The following KIRREL3 variants were observed in gnomAD, a reference collection of about 807,000 sequenced individuals.
KIRREL3 encodes kirre like nephrin family adhesion molecule 3, also known as kin of IRRE-like protein 3.
Under a neutral mutation model 89.7 loss-of-function variants are expected in KIRREL3, and 36 were observed. The observed-to-expected ratio is 0.40, with a 90% CI of 0.31 to 0.53. The LOEUF (loss-of-function observed/expected upper bound fraction) is 0.53, where lower values mean the gene tolerates loss of function less well. Among genes scored for constraint, KIRREL3 ranks in the 20% least tolerant of loss-of-function variants. KIRREL3 has a pLI of 0.49. For missense variants in KIRREL3, 864 were observed against 1,056.6 expected (o/e 0.82, Z 2.53); for synonymous variants, 445 against 441.4 (o/e 1.01, Z -0.10).
At position 126,531,449 on chromosome 11, in the gene KIRREL3, C is replaced by A. The variant is rs1287677047; in HGVS notation, c.134-4762G>T. Among the ~76,000 whole-genome samples, 1 of 152,184 alleles carries A rather than the reference C, an allele frequency of 6.6e-6. No individual in the cohort carries two copies. Among genetic ancestry groups the A allele is most frequent in the African/African-American group, 2.4e-5 (1 of 41,438 alleles). On this transcript the variant is annotated intron_variant, in intron 2 of 16. Transcript: ENST00000525144. This position sits in a 1 kb window ranked among gnomAD's most constrained non-coding sequence, Gnocchi z 4.7. ...GATTCTAATCTCCAAAATCCAGCTC[C>A]TTTTCTTCCTGGGAGCTCCACAGCA...
chr11:126,844,223 G>A lies in KIRREL3; in HGVS notation c.55+156232C>T, dbSNP rs1944059058. On this transcript the variant is annotated intron_variant, in intron 1 of 16. Transcript: ENST00000525144. This position sits in a 1 kb window ranked among gnomAD's most constrained non-coding sequence, Gnocchi z 4.8. The stretch of plus-strand genomic sequence containing the variant: ...GTGGGGGTCCGGTAACATCTTTCTG[G>A]TGACCACAGAAGAGACAATACTGAG... Among the ~76,000 whole-genome samples, 1 of 152,058 alleles carries A rather than the reference G, an allele frequency of 6.6e-6. No individual in the cohort carries two copies. Among genetic ancestry groups the A allele is most frequent in the Admixed American group, 6.6e-5 (1 of 15,264 alleles).
chr11:126,671,082 T>TTTTC (rs1332503254), intron 1 of KIRREL3, among the ~76,000 whole-genome samples: 1 of 152,172 alleles, frequency 6.6e-6, no homozygotes, highest in African/African-American at 2.4e-5. Flanking sequence ...GCCATCTATA[T>TTTTC]TAGAAACAGA....
intron 6 of KIRREL3, among the ~76,000 whole-genome samples, chr11:126,461,429 C>T (rs1176263040): frequency 1.3e-5 from 2 of 152,166 alleles, no homozygotes; most frequent in African/African-American, 4.8e-5. Context: ...GTCACCCTAG[C>T]TCTAGGCTTG....
At chr11:126,467,629 CTTTTT>C (rs546070258) in intron 5 of KIRREL3, among the ~76,000 whole-genome samples, 2 of 140,882 alleles carry the variant, frequency 1.4e-5, no homozygotes, top group South Asian at 4.4e-4. Flanking sequence ...TGCTGGGTCC[CTTTTT>C]TTTTTTTTTT....
At chr11:126,869,400 C>T (rs754547683) in intron 1 of KIRREL3, among the ~76,000 whole-genome samples, 11 of 152,152 alleles carry the variant, frequency 7.2e-5, no homozygotes, top group Non-Finnish European at 1.6e-4. Flanking sequence ...TGCCCACTCT[C>T]CTGCAGTGTC....
Position 126,564,598 on chromosome 11 carries a change from G to T in KIRREL3, c.56-1686C>A, listed in dbSNP as rs141644914. Among the ~76,000 whole-genome samples, 3 of 152,130 alleles carry T rather than the reference G, an allele frequency of 2.0e-5. No individual in the cohort carries two copies. The highest frequency in any genetic ancestry group is 6.5e-5 in the Admixed American group (1 of 15,276). On this transcript the variant is annotated intron_variant, in intron 1 of 16. Coordinates refer to ENST00000525144, the MANE Select transcript of KIRREL3 (RefSeq NM_032531.4). The surrounding 1 kb of genome is among the most constrained non-coding windows in gnomAD (Gnocchi z 7.4). ...TAGCCAAACCGCCCTCACTTCAAAC[G>T]GTCTTACATCTCAGGCACCCAAATT...
rs1330391441 is a variant in KIRREL3, at chr11:126,622,129, G to T, written c.56-59217C>A. Among the ~76,000 whole-genome samples the T allele has an allele frequency of 6.6e-6, 1 of 152,138 alleles. No homozygotes were observed. The highest frequency in any genetic ancestry group is 2.4e-5 in the African/African-American group (1 of 41,428). ...TTTGTGTCATTATTTTGCTATCCTT[G>T]CCTCTCTTGGGATTTGTGGCTCACA... On this transcript the variant is annotated intron_variant, in intron 1 of 16. Coordinates refer to ENST00000525144, the MANE Select transcript of KIRREL3 (RefSeq NM_032531.4). The surrounding 1 kb of genome is among the most constrained non-coding windows in gnomAD (Gnocchi z 5.2).
At position 126,997,287 on chromosome 11, in the gene KIRREL3, G is replaced by A. The variant is rs1261643192; in HGVS notation, c.55+3168C>T. On this transcript the variant is annotated intron_variant, in intron 1 of 16. Transcript: ENST00000525144. This position sits in a 1 kb window ranked among gnomAD's most constrained non-coding sequence, Gnocchi z 4.3. The stretch of plus-strand genomic sequence containing the variant: ...GGGCAGAACATGTCTATTCTCAGCA[G>A]GAGGCAAATTGTGCTGTGACATTAT... 6.6e-6 allele frequency among the ~76,000 whole-genome samples: 1 copy of A among 152,180 alleles called. No homozygotes were observed. The highest frequency in any genetic ancestry group is 1.5e-5 in the Non-Finnish European group (1 of 68,020).
chr11:126,842,503 G>T (rs1406545678), intron 1 of KIRREL3, among the ~76,000 whole-genome samples: 1 of 152,096 alleles, frequency 6.6e-6, no homozygotes, highest in Non-Finnish European at 1.5e-5. Context: ...CCATATTGGG[G>T]TTCATCCTCT....
intron 1 of KIRREL3, among the ~76,000 whole-genome samples, chr11:126,701,864 T>C (rs1232112740): frequency 6.6e-6 from 1 of 152,186 alleles, no homozygotes; most frequent in Admixed American, 6.5e-5. Context: ...AGAGGTGCCA[T>C]GAAAGATTTT....
At chr11:126,884,195 C>A (rs7924420) in intron 1 of KIRREL3, among the ~76,000 whole-genome samples, 1 of 152,056 alleles carries the variant, frequency 6.6e-6, no homozygotes, top group African/African-American at 2.4e-5. Context: ...TGGGTCCACC[C>A]GCAGAAATTC....
chr11:126,935,843 G>C (rs1437496904), intron 1 of KIRREL3: 1 of 152,154 alleles, frequency 6.6e-6, no homozygotes, highest in African/African-American at 2.4e-5. Context: ...AACATGTACT[G>C]CACTAAGAGT....
rs765693816 is a variant in KIRREL3 at position 126,890,239 on chromosome 11, G to C, written c.55+110216C>G. Among the ~76,000 whole-genome samples, 2 of 152,118 alleles carry C rather than the reference G, an allele frequency of 1.3e-5. No homozygotes were observed. The highest frequency in any genetic ancestry group is 2.9e-5 in the Non-Finnish European group (2 of 68,032). Reference sequence around the variant, plus strand: ...CCGGCAGGTTCATGAAAGAGAAAGGGTCTTCTTCCTGAGCAGCCTTCCGAG... The same window carrying C: ...CCGGCAGGTTCATGAAAGAGAAAGGCTCTTCTTCCTGAGCAGCCTTCCGAG... On this transcript the variant is annotated intron_variant, in intron 1 of 16. Transcript: ENST00000525144. This position sits in a 1 kb window ranked among gnomAD's most constrained non-coding sequence, Gnocchi z 5.1.
chr11:126,968,391 T>C (rs1232942626), intron 1 of KIRREL3, among the ~76,000 whole-genome samples: 1 of 152,208 alleles, frequency 6.6e-6, no homozygotes, highest in Admixed American at 6.5e-5. Context: ...GAAAGGCTAA[T>C]GTATCAGGAC....
rs1043770482 is a variant in KIRREL3, at chr11:126,953,455, A to T, written c.55+47000T>A. 6.6e-6 allele frequency among the ~76,000 whole-genome samples: 1 copy of T among 152,182 alleles called. No homozygotes were observed. The highest frequency in any genetic ancestry group is 1.5e-5 in the Non-Finnish European group (1 of 68,038). On this transcript the variant is annotated intron_variant, in intron 1 of 16. Coordinates refer to ENST00000525144, the MANE Select transcript of KIRREL3 (RefSeq NM_032531.4). This position sits in a 1 kb window ranked among gnomAD's most constrained non-coding sequence, Gnocchi z 5.2. ...TTGTAACAAACTGTACATTCTGCAC[A>T]AGTATCCCAGAACTTAAAGTATATA...
rs559631479 is a variant in KIRREL3, at chr11:126,542,927, T to G, written c.134-16240A>C. Among the ~76,000 whole-genome samples the G allele has an allele frequency of 1.2e-4, 18 of 152,320 alleles. No homozygotes were observed. In the East Asian group the frequency reaches 3.3e-3, roughly 28 times the overall value. ...GGGCCGTCTTCTGGTGGGTTTGGGA[T>G]ATTAACCACAACTAACTCCGATACA... On this transcript the variant is annotated intron_variant, in intron 2 of 16. Coordinates refer to ENST00000525144, the MANE Select transcript of KIRREL3 (RefSeq NM_032531.4).
chr11:126,881,657 C>T (rs2134715391), intron 1 of KIRREL3, among the ~76,000 whole-genome samples: 1 of 152,290 alleles, frequency 6.6e-6, no homozygotes. Context: ...AAGCAGTTCT[C>T]AGGCCTCAGC....
intron 1 of KIRREL3, among the ~76,000 whole-genome samples, chr11:126,681,558 C>T (rs925707699): frequency 2.6e-5 from 4 of 151,706 alleles, no homozygotes; most frequent in African/African-American, 4.9e-5. Context: ...GACTTGGGAG[C>T]GGGGGCTGTA....
chr11:126,941,396 T>C (rs962790879), intron 1 of KIRREL3, among the ~76,000 whole-genome samples: 5 of 152,202 alleles, frequency 3.3e-5, no homozygotes, highest in South Asian at 2.1e-4. Context: ...TCAGAATCAC[T>C]TGGGAAGCAA....
Sources: gnomAD v4.1 joint callset for allele counts (sites outside exome capture counted in the v4.1 genomes callset) on GRCh38, gnomAD v4.1.1 for gene constraint, Gnocchi (gnomAD v3.1) non-coding constraint, MANE v1.5 for transcripts, NCBI Gene and HGNC (gene_info 2026-07-23, HGNC 2026-07-21) for gene names.